MDGA2: variants seen among roughly 807,000 people sequenced by gnomAD.
The protein encoded by MDGA2 is MAM domain containing glycosylphosphatidylinositol anchor 2.
In MDGA2, 40 loss-of-function variants were observed where a neutral mutation model predicts 117.8. The ratio of observed to expected loss-of-function variants is 0.34; its 90% CI spans 0.26 to 0.44. The LOEUF (loss-of-function observed/expected upper bound fraction) is 0.44, where lower values mean the gene tolerates loss of function less well. Among genes scored for constraint, MDGA2 ranks in the 20% least tolerant of loss-of-function variants. The pLI is 1.00. For missense variants in MDGA2, 1,123 were observed against 1,250.6 expected, an observed-to-expected ratio of 0.90 and a Z score of 1.54; for synonymous variants, 452 against 439.0, an observed-to-expected ratio of 1.03 and a Z score of -0.37.
At chr14:47,218,852 A>G (rs1017089572) in intron 2 of MDGA2, among the ~76,000 whole-genome samples, 1 of 152,132 alleles carries the variant, frequency 6.6e-6, no homozygotes, top group East Asian at 1.9e-4. Flanking sequence ...GAACATTTCT[A>G]CTAAACTGCC....
At chr14:47,598,967 A>T (rs1237995115) in intron 1 of MDGA2, among the ~76,000 whole-genome samples, 2 of 152,146 alleles carry the variant, frequency 1.3e-5, no homozygotes. Context: ...GTTATTTTAA[A>T]AATCTAGACA....
At chr14:47,648,198 T>A (rs945040464) in intron 1 of MDGA2, among the ~76,000 whole-genome samples, 18 of 152,292 alleles carry the variant, frequency 1.2e-4, no homozygotes, top group African/African-American at 4.3e-4. Flanking sequence ...GAGACACTTC[T>A]GTTTTTAATC....
At chr14:47,466,757 T>C (rs1893612894) in intron 1 of MDGA2, among the ~76,000 whole-genome samples, 1 of 152,108 alleles carries the variant, frequency 6.6e-6, no homozygotes, top group South Asian at 2.1e-4. Context: ...AGGCTTTCTG[T>C]ACATACACAT....
At chr14:47,607,078 G>C (rs1030043195) in intron 1 of MDGA2, among the ~76,000 whole-genome samples, 3 of 152,108 alleles carry the variant, frequency 2.0e-5, no homozygotes, top group African/African-American at 7.2e-5. Context: ...TGACTAGCAA[G>C]AGTCAAATTA....
intron 8 of MDGA2, among the ~76,000 whole-genome samples, chr14:46,982,727 A>T: frequency 6.6e-6 from 1 of 150,874 alleles, no homozygotes; most frequent in East Asian, 1.9e-4. Flanking sequence ...AAAAAAAAAA[A>T]AAAAAAAAAT....
At chr14:46,877,434 T>C (rs923644121) in intron 12 of MDGA2, 55 bp downstream of exon 12, 1 of 997,380 alleles carries the variant, frequency 1.0e-6, no homozygotes, top group Non-Finnish European at 1.5e-6. Flanking sequence ...TTATAAACAT[T>C]ATATTTTTGT....
intron 2 of MDGA2, among the ~76,000 whole-genome samples, chr14:47,221,711 C>T (rs1028759362): frequency 2.1e-5 from 3 of 142,790 alleles, no homozygotes; most frequent in Non-Finnish European, 4.6e-5. Flanking sequence ...AAAGAGATTA[C>T]GGGAAGTGAG....
At chr14:47,667,462 C>T (rs539542311) in intron 1 of MDGA2, among the ~76,000 whole-genome samples, 15 of 152,206 alleles carry the variant, frequency 9.9e-5, no homozygotes, top group Non-Finnish European at 2.1e-4. Context: ...AGCCCTTTAT[C>T]TCCTCATCCT....
chr14:47,243,539 C>T (rs1462691444), intron 2 of MDGA2, among the ~76,000 whole-genome samples: 1 of 151,436 alleles, frequency 6.6e-6, no homozygotes, highest in Non-Finnish European at 1.5e-5. Context: ...CACTCCTGAG[C>T]CCAGCGAGAC....
At chr14:46,952,639 T>C (rs1427682239) in intron 9 of MDGA2, among the ~76,000 whole-genome samples, 4 of 151,946 alleles carry the variant, frequency 2.6e-5, no homozygotes, top group Non-Finnish European at 5.9e-5. Context: ...TGAAGAATAA[T>C]GATTAACATA....
At chr14:47,286,390 C>T (rs1313841900) in intron 2 of MDGA2, among the ~76,000 whole-genome samples, 1 of 152,022 alleles carries the variant, frequency 6.6e-6, no homozygotes, top group Non-Finnish European at 1.5e-5. Flanking sequence ...CCCTATTCCC[C>T]TTCCCACCCT....
Position 46,874,088 on chromosome 14 carries a change from A to C in MDGA2, c.2550T>G (p.Thr850=). ...QSTATRNTKY[T]PNTGPNADRS... ...GGTCAGCATTAGGTCCTGTATTAGG[A>C]GTATATTTTGTATTTCTTGTTGCTG... is the stretch of plus-strand genomic sequence containing the variant. Residue 850 remains threonine (T), a synonymous_variant, in exon 13 of 17, where the codon ACT becomes ACG. Coordinates refer to ENST00000399232, the MANE Select transcript of MDGA2 (RefSeq NM_001113498.3). The C allele has an allele frequency of 6.4e-7, 1 of 1,560,328 alleles. No individual in the cohort carries two copies. Among genetic ancestry groups the C allele is most frequent in the Non-Finnish European group, 8.7e-7 (1 of 1,155,554 alleles).
chr14:47,132,103 A>G (rs900097350), intron 4 of MDGA2, among the ~76,000 whole-genome samples: 9 of 152,022 alleles, frequency 5.9e-5, no homozygotes, highest in Admixed American at 1.3e-4. Context: ...ATGAAAATTC[A>G]TAACATTTTC....
intron 1 of MDGA2, among the ~76,000 whole-genome samples, chr14:47,456,286 T>C (rs1034189138): frequency 7.4e-6 from 1 of 135,390 alleles, no homozygotes; most frequent in Non-Finnish European, 1.5e-5. Flanking sequence ...AGCAAGAAAA[T>C]TGTTTACCTT....
rs199988685 is a variant in MDGA2 at position 46,959,509 on chromosome 14, A to AT, written c.1820-1867dup. On this transcript the variant is annotated intron_variant, in intron 8 of 16. Transcript: ENST00000399232. ...ATGAGCTTATGCTTTATTTTTTAGG[A>AT]TTTTTTTTAAGTCTGTCAATCTTTT... Among the ~76,000 whole-genome samples, 774 of 151,300 alleles carry AT rather than the reference A, an allele frequency of 5.1e-3. 11 individuals are homozygous for AT. Among genetic ancestry groups the AT allele is most frequent in the African/African-American group, 0.018 (726 of 41,288 alleles).
At position 47,675,318 on chromosome 14, in the gene MDGA2, AAGAGGAGGAGGAG is replaced by A. The variant is rs1898163621; in HGVS notation, c.-535_-523del. On this transcript the variant is annotated 5_prime_UTR_variant, in exon 1 of 17. Coordinates refer to ENST00000399232, the MANE Select transcript of MDGA2 (RefSeq NM_001113498.3). The stretch of plus-strand genomic sequence containing the variant: ...CGCATCGCCGAACGGGGAGAGGAGG[AAGAGGAGGAGGAG>A]GAAGAGGAGGAGGAGGAAGAGGAGG... Among the ~76,000 whole-genome samples, 2 of 924 alleles carry A rather than the reference AAGAGGAGGAGGAG, an allele frequency of 2.2e-3. 1 individual carries two copies. The highest frequency in any genetic ancestry group is 0.083 in the East Asian group (2 of 24). The allele number at this position is 924 out of a possible 152,430, so 0.6% of individuals were successfully genotyped here.
intron 1 of MDGA2, among the ~76,000 whole-genome samples, chr14:47,363,178 G>T (rs1437042411): frequency 6.6e-6 from 1 of 151,876 alleles, no homozygotes; most frequent in East Asian, 1.9e-4. Flanking sequence ...CATACTATTA[G>T]ACTTCCTAAC....
At chr14:47,517,718 C>A (rs989067261) in intron 1 of MDGA2, among the ~76,000 whole-genome samples, 4 of 152,124 alleles carry the variant, frequency 2.6e-5, no homozygotes, top group Non-Finnish European at 4.4e-5. Flanking sequence ...CTAGAGTGAA[C>A]TGACATTACT....
intron 7 of MDGA2, among the ~76,000 whole-genome samples, 156 bp from the exon 8 acceptor site, chr14:47,035,460 T>G (rs1330115588): frequency 6.6e-6 from 1 of 152,262 alleles, no homozygotes; most frequent in Non-Finnish European, 1.5e-5. Flanking sequence ...ATACTCTCAC[T>G]GAAAATCATT....
Sources: allele counts gnomAD v4.1 joint callset (sites outside exome capture counted in the v4.1 genomes callset), GRCh38; gene constraint gnomAD v4.1.1; transcripts MANE v1.5; gene names NCBI Gene and HGNC (gene_info 2026-07-23, HGNC 2026-07-21).